Variants in S100A12 observed in about 807,000 individuals in gnomAD.
The protein encoded by S100A12 is protein S100-A12.
A neutral mutation model predicts 4.0 loss-of-function variants in S100A12; 3 were observed. That is an observed-to-expected ratio of 0.75 (90% confidence interval 0.34 to 1.94). S100A12 has a LOEUF of 1.94. Among genes scored for constraint, S100A12 ranks in the 30% most tolerant of loss-of-function variants. The pLI is 0.07. For synonymous variants in S100A12, 50 were observed against 41.4 expected (o/e 1.21, Z -0.79); for missense variants, 122 against 107.0 (o/e 1.14, Z -0.62).
intron 2 of S100A12, among the ~76,000 whole-genome samples, chr1:153,374,216 C>T (rs930939550): frequency 6.6e-6 from 1 of 152,222 alleles, no homozygotes; most frequent in African/African-American, 2.4e-5. Context: ...TGCCCTGCCT[C>T]TCTCCATTTT....
In S100A12 at chr1:153,373,875, C is replaced by A; in HGVS notation, c.231G>T (p.Leu77=). Residue 77 remains leucine (L), a synonymous_variant, in exon 3 of 3, where the codon CTG becomes CTT. Coordinates refer to ENST00000368737, the MANE Select transcript of S100A12 (RefSeq NM_005621.2). The part of the protein sequence containing the change: ...EQVDFQEFIS[L]VAIALKAAHY... Reference sequence around the variant, plus strand: ...GGGCAGCCTTCAGCGCAATGGCTACCAGGGATATGAATTCTTGAAAGTCGA... The same window carrying A: ...GGGCAGCCTTCAGCGCAATGGCTACAAGGGATATGAATTCTTGAAAGTCGA... 4 of 1,613,632 alleles carry A rather than the reference C, an allele frequency of 2.5e-6. No homozygotes were observed. Among genetic ancestry groups the A allele is most frequent in the Non-Finnish European group, 3.4e-6 (4 of 1,179,552 alleles).
Position 153,374,618 on chromosome 1 carries a change from A to G in S100A12, c.-20-6T>C. 6.2e-7 allele frequency: 1 copy of G among 1,606,638 alleles called. No homozygotes were observed. Among genetic ancestry groups the G allele is most frequent in the Non-Finnish European group, 8.5e-7 (1 of 1,175,020 alleles). On this transcript the variant is annotated splice_region_variant and splice_polypyrimidine_tract_variant and intron_variant, in intron 1 of 2. Coordinates refer to ENST00000368737, the MANE Select transcript of S100A12 (RefSeq NM_005621.2). ...CTTCCCAGCCTAATGTTAACCTTCAAGGAAACAAGGGAAGTCTAGAGGCAG... is the reference window on the plus strand; with the variant it reads ...CTTCCCAGCCTAATGTTAACCTTCAGGGAAACAAGGGAAGTCTAGAGGCAG...
At chr1:153,375,261 G>A (rs1243675243) in intron 1 of S100A12, among the ~76,000 whole-genome samples, 1 of 152,058 alleles carries the variant, frequency 6.6e-6, no homozygotes, top group African/African-American at 2.4e-5. Flanking sequence ...TGTTAGCCAG[G>A]ATGGTCTCGA....
chr1:153,374,008 C>T, intron 2 of S100A12, 41 bp from the exon 3 acceptor site: 1 of 1,598,142 alleles, frequency 6.3e-7, no homozygotes, highest in South Asian at 1.1e-5. Flanking sequence ...TTCAGAACCT[C>T]CACACAAGAC....
Position 153,373,750 on chromosome 1 carries a change from C to A in S100A12, c.*77G>T. 4 of 1,265,176 alleles carry A rather than the reference C, an allele frequency of 3.2e-6. No homozygotes were observed. The highest frequency in any genetic ancestry group is 1.8e-5 in the Admixed American group (1 of 54,424). 78.4% of individuals were successfully genotyped at this position (1,265,176 alleles called of 1,614,324 possible). A position where few individuals can be genotyped will look rare whatever the true frequency, so the allele number is the denominator to read the frequency against. The stretch of plus-strand genomic sequence containing the variant: ...TTTATTAACTCTTACTCCCCACGGG[C>A]AAGGCTGGGTTTTGGTGAGGGAAAG... On this transcript the variant is annotated 3_prime_UTR_variant, in exon 3 of 3. Transcript: ENST00000368737.
chr1:153,373,717 T>A lies in S100A12; in HGVS notation c.*110A>T. The A allele has an allele frequency of 1.1e-6, 1 of 919,040 alleles. No homozygotes were observed. Among genetic ancestry groups the A allele is most frequent in the Non-Finnish European group, 1.7e-6 (1 of 584,326 alleles). 56.9% of individuals were successfully genotyped at this position (919,040 alleles called of 1,614,324 possible). A position where few individuals can be genotyped will look rare whatever the true frequency, so the allele number is the denominator to read the frequency against. ...CACAGACACTATTCAGAACTTTTCGTGAGTGTGTTTATTAACTCTTACTCC... is the reference window on the plus strand; with the variant it reads ...CACAGACACTATTCAGAACTTTTCGAGAGTGTGTTTATTAACTCTTACTCC... On this transcript the variant is annotated 3_prime_UTR_variant, in exon 3 of 3. Transcript: ENST00000368737.
Position 153,374,512 on chromosome 1 carries a change from G to A in S100A12, c.81C>T (p.Thr27=), listed in dbSNP as rs1324281339. Residue 27 remains threonine, a synonymous_variant, in exon 2 of 3, where the codon ACC becomes ACT. Transcript: ENST00000368737. The stretch of plus-strand genomic sequence containing the variant: ...GCTGCTTCAGCTCACCCTTAGAGAG[G>A]GTGTCAAAATGCCCCTTCCGAACTG... ...QYSVRKGHFD[T]LSKGELKQLL... is the part of the protein sequence containing the mutation. 1.2e-6 allele frequency: 2 copies of A among 1,613,904 alleles called. No homozygotes were observed. Among genetic ancestry groups the A allele is most frequent in the Non-Finnish European group, 1.7e-6 (2 of 1,179,880 alleles).
chr1:153,375,053 T>C (rs1661699419), intron 1 of S100A12, among the ~76,000 whole-genome samples: 1 of 152,018 alleles, frequency 6.6e-6, no homozygotes, highest in Non-Finnish European at 1.5e-5. Context: ...GTTTGTTTGT[T>C]TGTTTGTTTT....
intron 1 of S100A12, among the ~76,000 whole-genome samples, 170 bp downstream of exon 1, chr1:153,375,382 A>G (rs1271844190): frequency 6.6e-6 from 1 of 152,204 alleles, no homozygotes; most frequent in Admixed American, 6.5e-5. Context: ...GACTGAGTCT[A>G]CATAGCACAA....
Position 153,373,899 on chromosome 1 carries a change from G to T in S100A12, c.207C>A (p.Val69=). 6.2e-7 allele frequency: 1 copy of T among 1,612,104 alleles called. No individual in the cohort carries two copies. The highest frequency in any genetic ancestry group is 8.5e-7 in the Non-Finnish European group (1 of 1,178,190). Residue 69 remains valine, a synonymous_variant, in exon 3 of 3, where the codon GTC becomes GTA. Coordinates refer to ENST00000368737, the MANE Select transcript of S100A12 (RefSeq NM_005621.2). The part of the protein sequence containing the change: ...QGLDANQDEQ[V]DFQEFISLVA... ...CCAGGGATATGAATTCTTGAAAGTC[G>T]ACCTGTTCATCTTGATTAGCATCCA... is the stretch of plus-strand genomic sequence containing the variant.
Position 153,373,790 on chromosome 1 carries a change from G to A in S100A12, c.*37C>T. 1 of 1,587,594 alleles carries A rather than the reference G, an allele frequency of 6.3e-7. No individual in the cohort carries two copies. Among genetic ancestry groups the A allele is most frequent in the Non-Finnish European group, 8.6e-7 (1 of 1,156,818 alleles). On this transcript the variant is annotated 3_prime_UTR_variant, in exon 3 of 3. Coordinates refer to ENST00000368737, the MANE Select transcript of S100A12 (RefSeq NM_005621.2). ...GTGAGGGAAAGAAAAGACCCTCATT[G>A]AGGACATTGCTGGGTAAAAAGCCTT...
Position 153,373,769 on chromosome 1 carries a change from G to C in S100A12, c.*58C>G. On this transcript the variant is annotated 3_prime_UTR_variant, in exon 3 of 3. Coordinates refer to ENST00000368737, the MANE Select transcript of S100A12 (RefSeq NM_005621.2). The stretch of plus-strand genomic sequence containing the variant: ...CACGGGCAAGGCTGGGTTTTGGTGA[G>C]GGAAAGAAAAGACCCTCATTGAGGA... 1 of 1,475,632 alleles carries C rather than the reference G, an allele frequency of 6.8e-7. No individual in the cohort carries two copies. Among genetic ancestry groups the C allele is most frequent in the East Asian group, 2.3e-5 (1 of 44,108 alleles). The allele number at this position is 1,475,632 out of a possible 1,614,324, so 91.4% of individuals were successfully genotyped here. A position where few individuals can be genotyped will look rare whatever the true frequency, so the allele number is the denominator to read the frequency against.
At chr1:153,375,188 AG>A (rs1661701993) in intron 1 of S100A12, among the ~76,000 whole-genome samples, 1 of 152,082 alleles carries the variant, frequency 6.6e-6, no homozygotes, top group African/African-American at 2.4e-5. Context: ...CTGGGACTAC[AG>A]GCACCCGCCA....
chr1:153,375,504 A>G (rs922000819), intron 1 of S100A12, 48 bp downstream of exon 1: 1 of 152,336 alleles, frequency 6.6e-6, no homozygotes, highest in African/African-American at 2.4e-5. Context: ...ACCTGCAGTC[A>G]CTACCCTGTG....
chr1:153,374,455 C>A lies in S100A12; in HGVS notation c.138G>T (p.Lys46Asn), dbSNP rs753768148. 6.2e-7 allele frequency: 1 copy of A among 1,612,566 alleles called. No homozygotes were observed. The highest frequency in any genetic ancestry group is 8.5e-7 in the Non-Finnish European group (1 of 1,179,266). The change falls in exon 2 of 3, where the codon AAG becomes AAT. Residue 46 changes from lysine (K) to asparagine (N), a missense_variant and splice_region_variant. Coordinates refer to ENST00000368737, the MANE Select transcript of S100A12 (RefSeq NM_005621.2). ...LLTKELANTI[K>N]NIKDKAVIDE... ...TTGCAGTGAGAGGGGCATCACCTAC[C>A]TTGATGGTGTTTGCAAGCTCCTTTG...
At chr1:153,375,109 C>T (rs1034346551) in intron 1 of S100A12, among the ~76,000 whole-genome samples, 5 of 152,146 alleles carry the variant, frequency 3.3e-5, no homozygotes, top group East Asian at 1.9e-4. Flanking sequence ...TGCAGTAGGG[C>T]GATCTCGGCT....
chr1:153,374,553 T>C lies in S100A12; in HGVS notation c.40A>G (p.Ile14Val), dbSNP rs1661686749. The C allele has an allele frequency of 6.2e-7, 1 of 1,613,800 alleles. No homozygotes were observed. The highest frequency in any genetic ancestry group is 1.3e-5 in the African/African-American group (1 of 75,040). ...LEEHLEGIVN[I>V]FHQYSVRKGH... ...TTCCGAACTGAGTATTGGTGGAAGA[T>C]ATTGACAATTCCCTCCAGATGCTCT... Residue 14 changes from isoleucine to valine, a missense_variant, in exon 2 of 3, where the codon ATC becomes GTC. Coordinates refer to ENST00000368737, the MANE Select transcript of S100A12 (RefSeq NM_005621.2).
intron 2 of S100A12, chr1:153,374,169 G>A: frequency 1.4e-6 from 1 of 707,300 alleles, no homozygotes; most frequent in South Asian, 1.5e-5. Context: ...GCTTGACCTG[G>A]AAGGTACTCT....
intron 1 of S100A12, among the ~76,000 whole-genome samples, chr1:153,374,993 C>G (rs1166869367): frequency 6.6e-6 from 1 of 152,152 alleles, no homozygotes; most frequent in Non-Finnish European, 1.5e-5. Context: ...GGTCCATAAC[C>G]CACCCCTGCT....
Sources: allele counts gnomAD v4.1 joint callset (sites outside exome capture counted in the v4.1 genomes callset), GRCh38; gene constraint gnomAD v4.1.1; transcripts MANE v1.5; gene names NCBI Gene and HGNC (gene_info 2026-07-23, HGNC 2026-07-21).